LRRC8B: variants seen among roughly 807,000 people sequenced by gnomAD.
LRRC8B encodes leucine rich repeat containing 8 VRAC subunit B.
A neutral mutation model predicts 58.8 loss-of-function variants in LRRC8B; 23 were observed. That is an observed-to-expected ratio of 0.39 (90% CI 0.28 to 0.55). The LOEUF is 0.55. LRRC8B is among the 20% of genes least tolerant of loss of function. The pLI, the probability that LRRC8B is intolerant of heterozygous loss-of-function variation, is 0.62. For synonymous variants in LRRC8B, 359 were observed against 374.1 expected, an observed-to-expected ratio of 0.96 and a Z score of 0.47; for missense variants, 694 against 936.0, an observed-to-expected ratio of 0.74 and a Z score of 3.37.
intron 1 of LRRC8B, among the ~76,000 whole-genome samples, chr1:89,529,705 A>G (rs1001264802): frequency 6.6e-6 from 1 of 152,182 alleles, no homozygotes; most frequent in Non-Finnish European, 1.5e-5. Flanking sequence ...CCCAAGTGAC[A>G]GCAAAATTTT....
At chr1:89,525,875 A>C (rs1649656939) in intron 1 of LRRC8B, among the ~76,000 whole-genome samples, 1 of 152,206 alleles carries the variant, frequency 6.6e-6, no homozygotes, top group South Asian at 2.1e-4. Context: ...AACAAACAAA[A>C]AAACACTCCA....
chr1:89,538,990 G>C (rs934651271), intron 1 of LRRC8B, among the ~76,000 whole-genome samples: 5 of 152,128 alleles, frequency 3.3e-5, no homozygotes, highest in Non-Finnish European at 7.4e-5. Flanking sequence ...CCAAAGTGCT[G>C]GGATTACAGG....
intron 1 of LRRC8B, among the ~76,000 whole-genome samples, chr1:89,536,417 G>A (rs1650537178): frequency 6.6e-6 from 1 of 152,200 alleles, no homozygotes; most frequent in Non-Finnish European, 1.5e-5. Flanking sequence ...TAAAGTGATA[G>A]TATGAAGATT....
In LRRC8B at chr1:89,592,858, CAT is replaced by C. The variant is rs759803966; in HGVS notation, c.2228_2229del (p.His743ArgfsTer3). 2 of 1,613,956 alleles carry C rather than the reference CAT, an allele frequency of 1.2e-6. No individual in the cohort carries two copies. The highest frequency in any genetic ancestry group is 1.7e-6 in the Non-Finnish European group (2 of 1,180,002). On this transcript the variant is annotated frameshift_variant, in exon 6 of 6. Coordinates refer to ENST00000330947, the MANE Select transcript of LRRC8B (RefSeq NM_001369817.2). LOFTEE classifies it high-confidence loss of function. ...GKNSLMNLSP[H>X]VGELSNLTHL... ...AAATAGCTTGATGAATTTGTCCCCTCATGTGGGTGAGCTGTCAAACCTTACTC... is the reference window on the plus strand; with the variant it reads ...AAATAGCTTGATGAATTTGTCCCCTCGTGGGTGAGCTGTCAAACCTTACTC...
intron 1 of LRRC8B, among the ~76,000 whole-genome samples, chr1:89,537,024 A>G (rs1650586790): frequency 6.6e-6 from 1 of 152,200 alleles, no homozygotes; most frequent in Non-Finnish European, 1.5e-5. Flanking sequence ...TTTAACTGGT[A>G]AGATACTAAG....
In LRRC8B at chr1:89,592,031, C is replaced by T. The variant is rs548014617; in HGVS notation, c.2140-740C>T. ...CAATAAACCCTATTTCTTCTATGTA[C>T]TGTGGCGCCCTTAGAAATTGACATG... On this transcript the variant is annotated intron_variant, in intron 5 of 5. Transcript: ENST00000330947. 2.0e-5 allele frequency among the ~76,000 whole-genome samples: 3 copies of T among 152,284 alleles called. No homozygotes were observed. In the South Asian group the frequency reaches 6.2e-4, roughly 32 times the overall value.
At chr1:89,525,379 G>A (rs1318710053) in intron 1 of LRRC8B, among the ~76,000 whole-genome samples, 2 of 152,138 alleles carry the variant, frequency 1.3e-5, no homozygotes, top group Non-Finnish European at 2.9e-5. Context: ...GGGGCGGGGC[G>A]GGAAAGGGGT....
chr1:89,532,503 C>T (rs1456492664), intron 1 of LRRC8B, among the ~76,000 whole-genome samples: 1 of 152,124 alleles, frequency 6.6e-6, no homozygotes, highest in African/African-American at 2.4e-5. Context: ...GGGGCAGTTT[C>T]CCCCATCCTG....
At chr1:89,535,892 AT>A (rs951700493) in intron 1 of LRRC8B, among the ~76,000 whole-genome samples, 8 of 150,286 alleles carry the variant, frequency 5.3e-5, no homozygotes, top group East Asian at 3.9e-4. Context: ...TAGATTTGGG[AT>A]TTTTTTTTTC....
At position 89,596,708 on chromosome 1, in the gene LRRC8B, A is replaced by T. The variant is rs1236198416; in HGVS notation, c.*3665A>T. The T allele has an allele frequency of 6.6e-6, 1 of 152,136 alleles. No individual in the cohort carries two copies. The highest frequency in any genetic ancestry group is 1.5e-5 in the Non-Finnish European group (1 of 67,988). The allele number at this position is 152,136 out of a possible 1,614,324, so 9.4% of individuals were successfully genotyped here. A position where few individuals can be genotyped will look rare whatever the true frequency, so the allele number is the denominator to read the frequency against. On this transcript the variant is annotated 3_prime_UTR_variant, in exon 6 of 6. Coordinates refer to ENST00000330947, the MANE Select transcript of LRRC8B (RefSeq NM_001369817.2). ...CCTTCTCCACTCACCTACCGCACTA[A>T]ATTTGATCAGCAATTGTACAGTAAC...
At chr1:89,538,717 T>G (rs187802495) in intron 1 of LRRC8B, among the ~76,000 whole-genome samples, 1,731 of 151,802 alleles carry the variant, frequency 0.011, 33 homozygotes, top group African/African-American at 0.039. Context: ...CGAGGTTTTT[T>G]TTTGTTTGTT....
chr1:89,536,146 T>C (rs759671718), intron 1 of LRRC8B, among the ~76,000 whole-genome samples: 2 of 152,192 alleles, frequency 1.3e-5, no homozygotes, highest in Non-Finnish European at 2.9e-5. Flanking sequence ...CATTTGCCCA[T>C]CAATGCTAAC....
At position 89,584,382 on chromosome 1, in the gene LRRC8B, T is replaced by C; in HGVS notation, c.1732T>C (p.Leu578=). The change falls in exon 5 of 6, where the codon TTG becomes CTG. Residue 578 remains leucine, a synonymous_variant. Transcript: ENST00000330947. ...TAATGAGGGAAGCAAACTGGTTGTG[T>C]TGAACAACTTGAAAAAGATGGTCAA... ...LDNEGSKLVV[L]NNLKKMVNLK... 1 of 1,614,116 alleles carries C rather than the reference T, an allele frequency of 6.2e-7. No individual in the cohort carries two copies. The highest frequency in any genetic ancestry group is 1.1e-5 in the South Asian group (1 of 91,076).
At chr1:89,575,798 T>A (rs1475213889) in intron 3 of LRRC8B, among the ~76,000 whole-genome samples, 3 of 152,212 alleles carry the variant, frequency 2.0e-5, no homozygotes, top group Non-Finnish European at 2.9e-5. Flanking sequence ...TCCACTTGAC[T>A]CCTGCCTCTC....
At chr1:89,585,950 G>A (rs1292159826) in intron 5 of LRRC8B, among the ~76,000 whole-genome samples, 1 of 152,170 alleles carries the variant, frequency 6.6e-6, no homozygotes, top group African/African-American at 2.4e-5. Context: ...AAAAACATGG[G>A]TGTTAGATAA....
At position 89,583,554 on chromosome 1, in the gene LRRC8B, T is replaced by C. The variant is rs1321062072; in HGVS notation, c.904T>C (p.Tyr302His). 2 of 1,611,906 alleles carry C rather than the reference T, an allele frequency of 1.2e-6. No homozygotes were observed. The highest frequency in any genetic ancestry group is 1.7e-6 in the Non-Finnish European group (2 of 1,180,036). The change falls in exon 5 of 6, where the codon TAC (tyrosine) becomes CAC (histidine). Residue 302 changes from tyrosine to histidine, a missense_variant. Transcript: ENST00000330947. The surrounding 1 kb of genome is among the most constrained non-coding windows in gnomAD (Gnocchi z 5.2). The part of the protein sequence containing the change: ...DVQAFTGYKR[Y>H]QCVYSLAEIF... ...GCAGGCTTTTACAGGATATAAGCGCTACCAGTGTGTCTATTCCTTGGCAGA... is the reference window on the plus strand; with the variant it reads ...GCAGGCTTTTACAGGATATAAGCGCCACCAGTGTGTCTATTCCTTGGCAGA...
chr1:89,568,098 G>A (rs144193231), intron 1 of LRRC8B, 149 bp from the exon 2 acceptor site: 27 of 152,114 alleles, frequency 1.8e-4, no homozygotes, highest in African/African-American at 5.5e-4. Flanking sequence ...TTGTTTTTCC[G>A]TCTTACATTT....
chr1:89,534,477 T>C (rs1407427791), intron 1 of LRRC8B, among the ~76,000 whole-genome samples: 1 of 152,064 alleles, frequency 6.6e-6, no homozygotes, highest in Non-Finnish European at 1.5e-5. Flanking sequence ...AACACTGTTA[T>C]GATTGAAAGT....
intron 3 of LRRC8B, among the ~76,000 whole-genome samples, chr1:89,575,239 T>C (rs1653758040): frequency 6.6e-6 from 1 of 152,220 alleles, no homozygotes; most frequent in Non-Finnish European, 1.5e-5. Flanking sequence ...GGACTGGCCT[T>C]GTGACTCCTT....
Sources: gnomAD v4.1 joint callset for allele counts (sites outside exome capture counted in the v4.1 genomes callset) on GRCh38, gnomAD v4.1.1 for gene constraint, Gnocchi (gnomAD v3.1) non-coding constraint, MANE v1.5 for transcripts, NCBI Gene and HGNC (gene_info 2026-07-23, HGNC 2026-07-21) for gene names.